Variants in CRHBP observed in about 807,000 individuals in gnomAD.
The protein encoded by CRHBP is corticotropin releasing hormone binding protein, also known as corticotropin-releasing hormone-binding protein.
CRHBP carries 19 observed loss-of-function variants against 34.9 expected under a neutral mutation model. The observed-to-expected ratio is 0.55, with a 90% CI of 0.38 to 0.80. The LOEUF (loss-of-function observed/expected upper bound fraction) is 0.80. Among genes scored for constraint, CRHBP ranks in the 30% least tolerant of loss-of-function variants. CRHBP has a pLI of 0.00. For missense variants in CRHBP, 328 were observed against 409.2 expected (o/e 0.80, Z 1.71); for synonymous variants, 154 against 153.4 (o/e 1.00, Z -0.03).
Position 76,955,908 on chromosome 5 carries a change from C to T in CRHBP, c.544+45C>T, listed in dbSNP as rs750693687. 5.8e-6 allele frequency: 9 copies of T among 1,557,366 alleles called. No homozygotes were observed. The Admixed American group carries it at 1.6e-4, about 28-fold the overall frequency. ...AGGCAGAACTTCGGATATAGACCCG[C>T]TTTTTGAAAGTAGTATCATTGCACA... On this transcript the variant is annotated intron_variant, in intron 4 of 6. Transcript: ENST00000274368.
At chr5:76,975,825 A>AAAAAAAAAATATATATATATATAT in intron 2 of CRHBP, among the ~76,000 whole-genome samples, 2 of 61,840 alleles carry the variant, frequency 3.2e-5, no homozygotes, top group Non-Finnish European at 5.5e-5. Flanking sequence ...AAAAAAAAAA[A>AAAAAAAAAATATATATATATATAT]ATATATATAT....
At chr5:76,963,484 T>G (rs1457883004) in intron 6 of CRHBP, 24 bp downstream of exon 6, 2 of 1,561,456 alleles carry the variant, frequency 1.3e-6, no homozygotes, top group Non-Finnish European at 1.8e-6. Context: ...TTGATTGTTA[T>G]GTATGTGCCT....
intron 4 of CRHBP, among the ~76,000 whole-genome samples, chr5:76,957,680 G>C (rs1042224328): frequency 2.0e-5 from 3 of 151,878 alleles, no homozygotes; most frequent in Non-Finnish European, 1.5e-5. Flanking sequence ...CACCACTCCC[G>C]GCCAATGTAT....
intron 4 of CRHBP, among the ~76,000 whole-genome samples, chr5:76,957,089 C>G (rs1037672064): frequency 3.2e-4 from 48 of 152,214 alleles, no homozygotes; most frequent in African/African-American, 1.1e-3. Context: ...GCCTGTAATC[C>G]TAGCACTTTG....
At position 76,968,238 on chromosome 5, in the gene CRHBP, C is replaced by T. The variant is rs1285378235; in HGVS notation, c.812-490C>T. On this transcript the variant is annotated intron_variant, in intron 6 of 6. Transcript: ENST00000274368. ...TTTTTTGGTCTACATAAATGTCCCG[C>T]AGTACATTCCATCCTCTAGCCCCCA... Among the ~76,000 whole-genome samples, 9 of 148,118 alleles carry T rather than the reference C, an allele frequency of 6.1e-5. No homozygotes were observed. In the South Asian group the frequency reaches 1.9e-3, roughly 31 times the overall value.
At chr5:76,965,311 C>T (rs1679623369) in intron 6 of CRHBP, among the ~76,000 whole-genome samples, 1 of 152,142 alleles carries the variant, frequency 6.6e-6, no homozygotes, top group African/African-American at 2.4e-5. Context: ...CCCCCAGATA[C>T]ACCTATATTC....
chr5:76,963,690 C>T (rs894417993), intron 6 of CRHBP, among the ~76,000 whole-genome samples: 7 of 152,118 alleles, frequency 4.6e-5, no homozygotes, highest in Non-Finnish European at 8.8e-5. Context: ...TTAAGTAAAA[C>T]TATGAAAAAG....
intron 3 of CRHBP, among the ~76,000 whole-genome samples, chr5:76,954,879 T>C (rs1745644604): frequency 6.6e-6 from 1 of 152,194 alleles, no homozygotes; most frequent in Non-Finnish European, 1.5e-5. Flanking sequence ...AAAATAATCA[T>C]GATTAACATC....
Position 76,968,967 on chromosome 5 carries a change from T to G in CRHBP, c.*82T>G. The G allele has an allele frequency of 1.3e-6, 2 of 1,507,370 alleles. No homozygotes were observed. The highest frequency in any genetic ancestry group is 1.8e-6 in the Non-Finnish European group (2 of 1,105,038). The allele number at this position is 1,507,370 out of a possible 1,614,324, so 93.4% of individuals were successfully genotyped here. On this transcript the variant is annotated 3_prime_UTR_variant, in exon 7 of 7. Coordinates refer to ENST00000274368, the MANE Select transcript of CRHBP (RefSeq NM_001882.4). Reference sequence around the variant, plus strand: ...TGTATGATTTTGATGCACAACTAGTTAAAAGCCTTTCATACCAGTCAGTAT... The same window carrying G: ...TGTATGATTTTGATGCACAACTAGTGAAAAGCCTTTCATACCAGTCAGTAT...
At position 76,962,014 on chromosome 5, in the gene CRHBP, A is replaced by G. The variant is rs1441500372; in HGVS notation, c.694-1329A>G. Among the ~76,000 whole-genome samples the G allele has an allele frequency of 3.3e-5, 5 of 152,316 alleles. No individual in the cohort carries two copies. In the South Asian group the frequency reaches 1.0e-3, roughly 32 times the overall value. On this transcript the variant is annotated intron_variant, in intron 5 of 6. Coordinates refer to ENST00000274368, the MANE Select transcript of CRHBP (RefSeq NM_001882.4). ...AATGATCCACCTGCCTTGGCCTCCC[A>G]AAGTGCTGGAATTACAGGCGTGAGC...
intron 3 of CRHBP, among the ~76,000 whole-genome samples, chr5:76,976,897 A>T (rs575616982): frequency 6.6e-6 from 1 of 152,160 alleles, no homozygotes; most frequent in Admixed American, 6.5e-5. Context: ...TACAGTATCT[A>T]CTCATCGATT....
chr5:76,977,839 T>G (rs772884344), intron 3 of CRHBP, among the ~76,000 whole-genome samples: 11 of 152,218 alleles, frequency 7.2e-5, no homozygotes, highest in Non-Finnish European at 1.6e-4. Flanking sequence ...AAGCGTCTTA[T>G]TCCAAACAGT....
At chr5:76,953,534 C>T (rs1745606878) in intron 1 of CRHBP, 67 bp from the exon 2 acceptor site, 1 of 1,468,776 alleles carries the variant, frequency 6.8e-7, no homozygotes, top group South Asian at 1.2e-5. Context: ...GAGGGTGCCC[C>T]GCTCCTGGTC....
At chr5:76,966,427 G>A (rs142021460) in intron 6 of CRHBP, among the ~76,000 whole-genome samples, 106 of 152,290 alleles carry the variant, frequency 7.0e-4, no homozygotes, top group African/African-American at 1.6e-3. Context: ...CTTGTTCCAC[G>A]GCCAGTACAA....
rs998767966 is a variant in CRHBP at position 76,955,513 on chromosome 5, G to C, written c.334-140G>C. ...ATCCAATATATACAAATGAAAAGGC[G>C]AGCAGGCAGAGTGTGGACTGTCGAT... On this transcript the variant is annotated intron_variant, in intron 3 of 6. Coordinates refer to ENST00000274368, the MANE Select transcript of CRHBP (RefSeq NM_001882.4). 7.6e-6 allele frequency: 5 copies of C among 657,160 alleles called. No homozygotes were observed. In the Admixed American group the frequency reaches 1.5e-4, roughly 19 times the overall value. The allele number at this position is 657,160 out of a possible 1,614,324, so 40.7% of individuals were successfully genotyped here.
At chr5:76,976,009 G>C (rs1746029895) in intron 2 of CRHBP, among the ~76,000 whole-genome samples, 1 of 149,302 alleles carries the variant, frequency 6.7e-6, no homozygotes. Flanking sequence ...GAAAATGGTA[G>C]ATCAACTCTG....
intron 5 of CRHBP, among the ~76,000 whole-genome samples, chr5:76,960,992 C>T (rs2150706971): frequency 6.6e-6 from 1 of 152,272 alleles, no homozygotes. Flanking sequence ...TGGTCTCAAA[C>T]TCCTGACCTT....
At chr5:76,968,659 C>A in intron 6 of CRHBP, 69 bp from the exon 7 acceptor site, 1 of 1,477,358 alleles carries the variant, frequency 6.8e-7, no homozygotes, top group Non-Finnish European at 9.2e-7. Context: ...TAAGTGATCC[C>A]GTCATTTAAA....
chr5:76,953,739 AGGTGGGACTCTGTGC>A (rs1446903253), intron 2 of CRHBP, 45 bp downstream of exon 2: 6 of 1,547,038 alleles, frequency 3.9e-6, no homozygotes, highest in Admixed American at 1.9e-5. Flanking sequence ...GACGCGGGGA[AGGTGGGACTCTGTGC>A]GGGGGGCAGA....
Sources: gnomAD v4.1 joint callset for allele counts (sites outside exome capture counted in the v4.1 genomes callset) on GRCh38, gnomAD v4.1.1 for gene constraint, MANE v1.5 for transcripts, NCBI Gene and HGNC (gene_info 2026-07-23, HGNC 2026-07-21) for gene names.